OBSL1: variants seen among roughly 807,000 people sequenced by gnomAD.
The protein encoded by OBSL1 is obscurin like cytoskeletal adaptor 1.
A neutral mutation model predicts 172.0 loss-of-function variants in OBSL1; 160 were observed. The observed-to-expected ratio is 0.93, with a 90% CI of 0.82 to 1.06. OBSL1 has a LOEUF of 1.06. Ranked by LOEUF, OBSL1 falls within the 50% of genes least tolerant of loss-of-function variation. The pLI is 0.00. For missense variants in OBSL1, 2,681 were observed against 2,715.4 expected (o/e 0.99, Z 0.28); for synonymous variants, 1,200 against 1,196.3 (o/e 1.00, Z -0.06).
intron 14 of OBSL1, chr2:219,555,572 A>C (rs1695941533): frequency 1.1e-6 from 1 of 947,904 alleles, no homozygotes; most frequent in Non-Finnish European, 1.3e-6. Context: ...GAGCCACTGC[A>C]CCTGGTCTCA....
rs758122041 is a variant in OBSL1, at chr2:219,570,809, C to T, written c.424G>A (p.Gly142Arg). The change falls in exon 1 of 21, where the codon GGG becomes AGG. Residue 142 changes from glycine to arginine, a missense_variant. This residue lies in a region of OBSL1 where 706 missense variants were observed against 695.8 expected (regional missense o/e 1.01). Coordinates refer to ENST00000404537, the MANE Select transcript of OBSL1 (RefSeq NM_015311.3). ...CGGCACGTCAGCACCACCTCCGCCC[C>T]CCGCAGCACCCACTGGGATCGAGGC... Reference protein sequence around the residue: ...TGPRSQWVLRGAEVVLTCRAG... With the variant: ...TGPRSQWVLRRAEVVLTCRAG... 13 of 1,484,532 alleles carry T rather than the reference C, an allele frequency of 8.8e-6. No individual in the cohort carries two copies. The highest frequency in any genetic ancestry group is 5.9e-5 in the East Asian group (2 of 34,032). 92.0% of individuals were successfully genotyped at this position (1,484,532 alleles called of 1,614,324 possible).
At chr2:219,547,800 T>TG (rs1310164939), downstream of OBSL1, 2 of 1,592,322 alleles carry the variant, frequency 1.3e-6, no homozygotes, top group Non-Finnish European at 8.5e-7. Context: ...GGGCTGTTGC[T>TG]GGGGGGCGGC....
At chr2:219,548,372 G>A (rs531441891), downstream of OBSL1, among the ~76,000 whole-genome samples, 1 of 152,354 alleles carries the variant, frequency 6.6e-6, no homozygotes, top group South Asian at 2.1e-4. Flanking sequence ...ACAGATAACA[G>A]AGATGCAAAC....
In OBSL1 at chr2:219,567,423, A is replaced by C. The variant is rs1696990037; in HGVS notation, c.1687T>G (p.Trp563Gly). ...LERQEVGSED[W>G]IQCFSIEKAG... ...TTCTCGATGCTGAAGCACTGAATCC[A>C]GTCTTCAGAGCCCACTTCCTGCCGC... Residue 563 changes from tryptophan (W) to glycine (G), a missense_variant, in exon 4 of 21, where the codon TGG becomes GGG. Transcript: ENST00000404537. 6.2e-7 allele frequency: 1 copy of C among 1,613,008 alleles called. No individual in the cohort carries two copies. Among genetic ancestry groups the C allele is most frequent in the Non-Finnish European group, 8.5e-7 (1 of 1,179,588 alleles).
chr2:219,570,707 G>T lies in OBSL1; in HGVS notation c.526C>A (p.His176Asn). The T allele has an allele frequency of 1.3e-6, 2 of 1,510,104 alleles. No homozygotes were observed. The highest frequency in any genetic ancestry group is 2.7e-5 in the East Asian group (1 of 37,376). The allele number at this position is 1,510,104 out of a possible 1,614,324, so 93.5% of individuals were successfully genotyped here. A position where few individuals can be genotyped will look rare whatever the true frequency, so the allele number is the denominator to read the frequency against. Residue 176 changes from histidine to asparagine, a missense_variant, in exon 1 of 21, where the codon CAC becomes AAC. His to Asn is a moderately conservative substitution (Grantham distance 68). Around this residue, in one of 5 missense-constraint regions of OBSL1, gnomAD observed 706 missense variants for 695.8 expected, o/e 1.01. Coordinates refer to ENST00000404537, the MANE Select transcript of OBSL1 (RefSeq NM_015311.3). ...GCGCGGCCCGGCTGGAGCGCGAAGT[G>T]GCTGCTGTCCCACACTTCGTCCAGG... ...MALDEVWDSS[H>N]FALQPGRAED...
Position 219,571,283 on chromosome 2 carries a change from TGCGGA to T in OBSL1, c.-56_-52del. 2 of 785,988 alleles carry T rather than the reference TGCGGA, an allele frequency of 2.5e-6. No individual in the cohort carries two copies. The highest frequency in any genetic ancestry group is 3.4e-6 in the Non-Finnish European group (2 of 592,116). The allele number at this position is 785,988 out of a possible 1,614,324, so 48.7% of individuals were successfully genotyped here. A position where few individuals can be genotyped will look rare whatever the true frequency, so the allele number is the denominator to read the frequency against. Reference sequence around the variant, plus strand: ...CGAACGGTGGGGGGGCAGGGGGGGGTGCGGAGGGCGAGCCGAGGCCCGGGGCGGCG... The same window carrying T: ...CGAACGGTGGGGGGGCAGGGGGGGGTGGGCGAGCCGAGGCCCGGGGCGGCG... On this transcript the variant is annotated 5_prime_UTR_variant, in exon 1 of 21. Transcript: ENST00000404537.
chr2:219,556,905 A>C, intron 12 of OBSL1, 182 bp from the exon 13 acceptor site: 1 of 662,940 alleles, frequency 1.5e-6, no homozygotes, highest in Non-Finnish European at 2.5e-6. Flanking sequence ...CACTCCTTTT[A>C]GTCAGTTCCT....
intron 8 of OBSL1, among the ~76,000 whole-genome samples, chr2:219,560,372 G>C (rs532770749): frequency 1.1e-4 from 16 of 152,316 alleles, no homozygotes; most frequent in Middle Eastern, 3.4e-3. Flanking sequence ...GAGTTCCCCA[G>C]GGGTGCTAAA....
chr2:219,564,549 G>T (rs970870813), intron 6 of OBSL1, among the ~76,000 whole-genome samples: 2 of 152,224 alleles, frequency 1.3e-5, no homozygotes, highest in Non-Finnish European at 2.9e-5. Context: ...AAAAGTGTTT[G>T]CTCCCATCTC....
Position 219,570,889 on chromosome 2 carries a change from T to G in OBSL1, c.344A>C (p.Glu115Ala). Residue 115 changes from glutamate to alanine, a missense_variant, in exon 1 of 21, where the codon GAG (glutamate) becomes GCG (alanine). By Grantham distance (107) the Glu-to-Ala change is moderately radical. Coordinates refer to ENST00000404537, the MANE Select transcript of OBSL1 (RefSeq NM_015311.3). ...PASDPELQPA[E>A]RPLPSPGSGE... is the part of the protein sequence containing the mutation. ...GGACCCCGGCGATGGCAGCGGGCGC[T>G]CGGCGGGCTGCAGCTCGGGGTCGGA... is the stretch of plus-strand genomic sequence containing the variant. 1.5e-6 allele frequency: 2 copies of G among 1,358,152 alleles called. No homozygotes were observed. Among genetic ancestry groups the G allele is most frequent in the Non-Finnish European group, 1.9e-6 (2 of 1,060,484 alleles). The allele number at this position is 1,358,152 out of a possible 1,614,324, so 84.1% of individuals were successfully genotyped here.
chr2:219,553,661 C>T lies in OBSL1; in HGVS notation c.4902G>A (p.Gly1634=), dbSNP rs372856431. The change falls in exon 16 of 21, where the codon GGG becomes GGA. Residue 1634 remains glycine, a synonymous_variant. Transcript: ENST00000404537. ...CCTCGGTCACCTCTAGGTCGTGTGG[C>T]CCCCGCACGATGGTCACTGGGACCT... ...VREVPVTIVR[G]PHDLEVTEGD... 2.5e-6 allele frequency: 4 copies of T among 1,613,360 alleles called. No homozygotes were observed. The highest frequency in any genetic ancestry group is 1.7e-4 in the Middle Eastern group (1 of 6,058).
In OBSL1 at chr2:219,558,347, G is replaced by A. The variant is rs1696193190; in HGVS notation, c.3339C>T (p.Arg1113=). ...CEVAPAGSQV[R]WYKDGLEVEA... is the part of the protein sequence containing the mutation. ...CCACTTCCAGCCCGTCCTTGTACCAGCGCACCTGAGACCCAGCTGGGGCCA... is the reference window on the plus strand; with the variant it reads ...CCACTTCCAGCCCGTCCTTGTACCAACGCACCTGAGACCCAGCTGGGGCCA... Residue 1113 remains arginine, a synonymous_variant, in exon 10 of 21, where the codon CGC becomes CGT. Coordinates refer to ENST00000404537, the MANE Select transcript of OBSL1 (RefSeq NM_015311.3). 1.2e-6 allele frequency: 2 copies of A among 1,612,374 alleles called. No homozygotes were observed. Among genetic ancestry groups the A allele is most frequent in the Non-Finnish European group, 1.7e-6 (2 of 1,179,618 alleles).
chr2:219,552,722 C>A lies in OBSL1; in HGVS notation c.5147-25G>T, dbSNP rs765358888. 11 of 1,512,724 alleles carry A rather than the reference C, an allele frequency of 7.3e-6. No homozygotes were observed. In the South Asian group the frequency reaches 9.6e-5, roughly 13 times the overall value. 93.7% of individuals were successfully genotyped at this position (1,512,724 alleles called of 1,614,324 possible). A position where few individuals can be genotyped will look rare whatever the true frequency, so the allele number is the denominator to read the frequency against. ...TCTGGGGCGGAGCCCGGGGCGTGAG[C>A]GGGGCGGGGCAGAGGGCAGTTACCG... On this transcript the variant is annotated intron_variant, in intron 17 of 20. Coordinates refer to ENST00000404537, the MANE Select transcript of OBSL1 (RefSeq NM_015311.3).
At chr2:219,565,866 C>T (rs1341390395) in intron 5 of OBSL1, among the ~76,000 whole-genome samples, 1 of 152,164 alleles carries the variant, frequency 6.6e-6, no homozygotes, top group East Asian at 1.9e-4. Flanking sequence ...AGTGAATCAC[C>T]CCAAGACCCC....
chr2:219,557,252 A>T, intron 12 of OBSL1, 91 bp downstream of exon 12: 1 of 1,300,388 alleles, frequency 7.7e-7, no homozygotes. Flanking sequence ...AGAAGCAGCA[A>T]AGCGGGGGTG....
chr2:219,567,999 G>A (rs1404561161), intron 2 of OBSL1, 30 bp from the exon 3 acceptor site: 2 of 1,609,904 alleles, frequency 1.2e-6, no homozygotes, highest in Admixed American at 1.7e-5. Flanking sequence ...CCATCAACCT[G>A]GAATCTGAGC....
intron 18 of OBSL1, 47 bp from the exon 19 acceptor site, chr2:219,552,263 G>T: frequency 1.3e-6 from 2 of 1,519,870 alleles, no homozygotes; most frequent in Non-Finnish European, 8.9e-7. Context: ...CCTCTGAGGA[G>T]CGTTGGGGAC....
chr2:219,553,510 T>C, intron 16 of OBSL1, 64 bp downstream of exon 16: 1 of 1,154,624 alleles, frequency 8.7e-7, no homozygotes, highest in South Asian at 1.3e-5. Context: ...TAGCTGTTTC[T>C]GTCTGGGGCA....
At position 219,557,397 on chromosome 2, in the gene OBSL1, C is replaced by T. The variant is rs1378990330; in HGVS notation, c.4012G>A (p.Glu1338Lys). ...VQGARSGDAGEYLCDAPQDSR... is the reference protein window; with the variant it reads ...VQGARSGDAGKYLCDAPQDSR... ...TCCTGGGGCGCATCGCACAGGTACT[C>T]CCCAGCGTCCCCGCTCCGTGCCCCC... The change falls in exon 12 of 21, where the codon GAG (glutamate) becomes AAG (lysine). Residue 1338 changes from glutamate to lysine, a missense_variant. Glu to Lys is a moderately conservative substitution (Grantham distance 56, BLOSUM62 1). This residue lies in a region of OBSL1 where 1,765 missense variants were observed against 1,748.3 expected (regional missense o/e 1.01). Coordinates refer to ENST00000404537, the MANE Select transcript of OBSL1 (RefSeq NM_015311.3). 4 of 1,544,376 alleles carry T rather than the reference C, an allele frequency of 2.6e-6. No individual in the cohort carries two copies. The highest frequency in any genetic ancestry group is 3.5e-6 in the Non-Finnish European group (4 of 1,144,156).
Sources: allele counts gnomAD v4.1 joint callset (sites outside exome capture counted in the v4.1 genomes callset), GRCh38; gene constraint gnomAD v4.1.1; regional missense constraint gnomAD v4.1.1; transcripts MANE v1.5; gene names NCBI Gene and HGNC (gene_info 2026-07-23, HGNC 2026-07-21).